OSTN: variants seen among roughly 807,000 people sequenced by gnomAD.
The protein encoded by OSTN is osteocrin.
In OSTN, 9 loss-of-function variants were observed where a neutral mutation model predicts 12.0. The observed-to-expected ratio is 0.75, with a 90% CI of 0.45 to 1.30. The LOEUF is 1.30. Ranked by LOEUF, OSTN falls within the 50% of genes most tolerant of loss-of-function variation. The pLI, the probability that OSTN is intolerant of heterozygous loss-of-function variation, is 0.00. For missense variants in OSTN, 148 were observed against 152.3 expected (o/e 0.97, Z 0.15); for synonymous variants, 59 against 56.9 (o/e 1.04, Z -0.16).
intron 1 of OSTN, among the ~76,000 whole-genome samples, chr3:191,203,352 G>A (rs1403476169): frequency 6.6e-6 from 1 of 152,190 alleles, no homozygotes; most frequent in Admixed American, 6.5e-5. Context: ...TAAACATCCA[G>A]ATCTGGGGGT....
Position 191,199,804 on chromosome 3 carries a change from G to A in OSTN, c.-1+497G>A, listed in dbSNP as rs571726490. Among the ~76,000 whole-genome samples, 10 of 152,078 alleles carry A rather than the reference G, an allele frequency of 6.6e-5. No homozygotes were observed. In the East Asian group the frequency reaches 1.9e-3, roughly 29 times the overall value. On this transcript the variant is annotated intron_variant, in intron 1 of 4. Transcript: ENST00000682035. ...GCATCTTCTGTTTTTCTCCTTATAT[G>A]TCAAATATGCAAATATGATATTAAT...
rs377021482 is a variant in OSTN, at chr3:191,212,605, G to C, written c.73G>C (p.Val25Leu). The change falls in exon 2 of 5, where the codon GTC becomes CTC. Residue 25 changes from valine (V) to leucine (L), a missense_variant. Val to Leu is a conservative substitution (Grantham distance 32). Transcript: ENST00000682035. ...ACTGACACTGTGGAGCTCAGGAAAA[G>C]TCCTCTCAGTAGATGTAACAACAAC... is the stretch of plus-strand genomic sequence containing the variant. ...VTLTLWSSGK[V>L]LSVDVTTTEA... is the part of the protein sequence containing the mutation. 1.9e-6 allele frequency: 3 copies of C among 1,584,366 alleles called. No homozygotes were observed. In the African/African-American group the frequency reaches 4.0e-5, roughly 21 times the overall value.
intron 1 of OSTN, among the ~76,000 whole-genome samples, chr3:191,210,294 A>G (rs1258344441): frequency 1.3e-5 from 2 of 152,130 alleles, no homozygotes; most frequent in South Asian, 2.1e-4. Context: ...ACTGGAGGCA[A>G]CTCACGGCAG....
chr3:191,209,116 A>C (rs1345718548), intron 1 of OSTN, among the ~76,000 whole-genome samples: 1 of 152,232 alleles, frequency 6.6e-6, no homozygotes, highest in Non-Finnish European at 1.5e-5. Flanking sequence ...CTGAGATTGC[A>C]CCACGGCACT....
At position 191,202,310 on chromosome 3, in the gene OSTN, A is replaced by T. The variant is rs573138509; in HGVS notation, c.-1+3003A>T. On this transcript the variant is annotated intron_variant, in intron 1 of 4. Coordinates refer to ENST00000682035, the MANE Select transcript of OSTN (RefSeq NM_198184.2). The stretch of plus-strand genomic sequence containing the variant: ...TGACAATTCTATTTGAAGAAAGTGG[A>T]AGCATTCCAGAAAGGATCTGCTCTT... Among the ~76,000 whole-genome samples, 3 of 152,360 alleles carry T rather than the reference A, an allele frequency of 2.0e-5. No homozygotes were observed. The South Asian group carries it at 6.2e-4, about 32-fold the overall frequency.
intron 3 of OSTN, 61 bp downstream of exon 3, chr3:191,219,022 T>C (rs1380516292): frequency 3.6e-6 from 5 of 1,405,098 alleles, no homozygotes; most frequent in African/African-American, 2.9e-5. Flanking sequence ...GGATTCTAAA[T>C]CTGAGAGAAT....
At chr3:191,250,004 T>G in intron 3 of OSTN, 33 bp from the exon 4 acceptor site, 2 of 1,502,794 alleles carry the variant, frequency 1.3e-6, no homozygotes, top group Admixed American at 3.4e-5. Context: ...ACTTGCCCTT[T>G]AGTTTAAAAA....
intron 3 of OSTN, among the ~76,000 whole-genome samples, chr3:191,219,800 G>A (rs1399097482): frequency 2.0e-5 from 3 of 152,124 alleles, no homozygotes; most frequent in Non-Finnish European, 4.4e-5. Context: ...AATACTGTTT[G>A]CTTTACATAT....
At chr3:191,236,043 C>T (rs1358196479) in intron 3 of OSTN, among the ~76,000 whole-genome samples, 1 of 152,158 alleles carries the variant, frequency 6.6e-6, no homozygotes, top group Admixed American at 6.5e-5. Flanking sequence ...ATAACTTGCT[C>T]CCAAGAAATT....
At chr3:191,212,447 C>A in intron 1 of OSTN, 86 bp from the exon 2 acceptor site, 1 of 720,302 alleles carries the variant, frequency 1.4e-6, no homozygotes, top group Non-Finnish European at 2.1e-6. Flanking sequence ...TTACCATTTG[C>A]CTCTAACAGT....
intron 3 of OSTN, among the ~76,000 whole-genome samples, chr3:191,234,951 C>A (rs900943905): frequency 2.0e-5 from 3 of 152,068 alleles, no homozygotes; most frequent in Non-Finnish European, 2.9e-5. Flanking sequence ...TGAGAAAAGG[C>A]AGCATACATC....
At chr3:191,250,624 A>C (rs1171481956) in intron 4 of OSTN, among the ~76,000 whole-genome samples, 1 of 152,210 alleles carries the variant, frequency 6.6e-6, no homozygotes, top group African/African-American at 2.4e-5. Context: ...CTTTATCCAA[A>C]TCCTGATTCT....
intron 4 of OSTN, 119 bp from the exon 5 acceptor site, chr3:191,262,747 G>A: frequency 1.7e-6 from 1 of 602,994 alleles, no homozygotes; most frequent in Non-Finnish European, 3.0e-6. Flanking sequence ...TGTAAATAAA[G>A]GCTATAATGA....
At chr3:191,236,282 T>A (rs9867924) in intron 3 of OSTN, among the ~76,000 whole-genome samples, 7,720 of 152,222 alleles carry the variant, frequency 0.051, 645 homozygotes, top group African/African-American at 0.17. Context: ...AATATTCTGG[T>A]ACATTCTTTT....
intron 2 of OSTN, 55 bp from the exon 3 acceptor site, chr3:191,218,692 C>A: frequency 7.0e-7 from 1 of 1,434,540 alleles, no homozygotes; most frequent in Non-Finnish European, 9.7e-7. Context: ...TGCATATGTA[C>A]ATACTTGGAG....
intron 2 of OSTN, among the ~76,000 whole-genome samples, chr3:191,213,021 C>T (rs1314918499): frequency 1.3e-5 from 2 of 151,558 alleles, no homozygotes; most frequent in Admixed American, 6.6e-5. Context: ...TAGGCATGTG[C>T]CACCACGCCC....
Position 191,231,222 on chromosome 3 carries a change from T to A in OSTN, c.317+12261T>A, listed in dbSNP as rs183088837. ...ATAGTTATTGCATAAAATATTTCTATAGACATTTCTGAGTTTTAGTTAAAA... is the reference window on the plus strand; with the variant it reads ...ATAGTTATTGCATAAAATATTTCTAAAGACATTTCTGAGTTTTAGTTAAAA... On this transcript the variant is annotated intron_variant, in intron 3 of 4. Transcript: ENST00000682035. 4.6e-5 allele frequency among the ~76,000 whole-genome samples: 7 copies of A among 152,266 alleles called. No homozygotes were observed. The East Asian group carries it at 1.2e-3, about 25-fold the overall frequency.
chr3:191,219,807 A>G (rs1022915554), intron 3 of OSTN, among the ~76,000 whole-genome samples: 1 of 152,204 alleles, frequency 6.6e-6, no homozygotes, highest in East Asian at 1.9e-4. Context: ...TTTGCTTTAC[A>G]TATTAAATAT....
At chr3:191,243,970 G>T (rs1715376087) in intron 3 of OSTN, among the ~76,000 whole-genome samples, 1 of 152,012 alleles carries the variant, frequency 6.6e-6, no homozygotes, top group South Asian at 2.1e-4. Context: ...TTTAGTCTAT[G>T]GATTACTCTG....
Sources: gnomAD v4.1 joint callset for allele counts (sites outside exome capture counted in the v4.1 genomes callset) on GRCh38, gnomAD v4.1.1 for gene constraint, MANE v1.5 for transcripts, NCBI Gene and HGNC (gene_info 2026-07-23, HGNC 2026-07-21) for gene names.